Variants in ARID2 observed in about 807,000 individuals in gnomAD.
The protein encoded by ARID2 is AT-rich interactive domain-containing protein 2.
In ARID2, 32 loss-of-function variants were observed where a neutral mutation model predicts 184.6. The ratio of observed to expected loss-of-function variants is 0.17; its 90% CI spans 0.13 to 0.23. The LOEUF (loss-of-function observed/expected upper bound fraction) is 0.23, where lower values mean the gene tolerates loss of function less well. Ranked by LOEUF, ARID2 falls within the 10% of genes least tolerant of loss-of-function variation. ARID2 has a pLI of 1.00. For missense variants in ARID2, 1,696 were observed against 2,197.6 expected, an observed-to-expected ratio of 0.77 and a Z score of 4.56; for synonymous variants, 836 against 772.6, an observed-to-expected ratio of 1.08 and a Z score of -1.36.
intron 20 of ARID2, among the ~76,000 whole-genome samples, chr12:45,898,315 A>T (rs1275848391): frequency 2.0e-5 from 3 of 152,136 alleles, no homozygotes; most frequent in Non-Finnish European, 4.4e-5. Flanking sequence ...GTGGGTAGAG[A>T]GTTCCATTAT....
intron 16 of ARID2, among the ~76,000 whole-genome samples, chr12:45,870,615 C>G (rs1314827280): frequency 6.6e-6 from 1 of 152,164 alleles, no homozygotes; most frequent in Non-Finnish European, 1.5e-5. Flanking sequence ...CTCCTCACCC[C>G]CTCCCTCGCC....
chr12:45,787,102 A>G (rs1942208938), intron 3 of ARID2, among the ~76,000 whole-genome samples: 1 of 152,236 alleles, frequency 6.6e-6, no homozygotes, highest in Non-Finnish European at 1.5e-5. Flanking sequence ...ATACTTGAAA[A>G]TAACTAAAAG....
At chr12:45,742,360 G>T (rs538382449) in intron 3 of ARID2, among the ~76,000 whole-genome samples, 1 of 152,140 alleles carries the variant, frequency 6.6e-6, no homozygotes, top group East Asian at 1.9e-4. Context: ...TGCTGTATAG[G>T]TATGTAGCTT....
At chr12:45,832,070 A>C (rs1472666078) in intron 6 of ARID2, among the ~76,000 whole-genome samples, 1 of 152,130 alleles carries the variant, frequency 6.6e-6, no homozygotes, top group Non-Finnish European at 1.5e-5. Context: ...TCAGTGCATT[A>C]AGCCCATTTA....
At chr12:45,887,116 A>G (rs1944204573) in intron 16 of ARID2, among the ~76,000 whole-genome samples, 1 of 152,260 alleles carries the variant, frequency 6.6e-6, no homozygotes, top group Non-Finnish European at 1.5e-5. Flanking sequence ...CTTCACTGGA[A>G]TAAAAGAAAA....
At chr12:45,845,756 G>A (rs1943428782) in intron 11 of ARID2, among the ~76,000 whole-genome samples, 1 of 152,032 alleles carries the variant, frequency 6.6e-6, no homozygotes, top group African/African-American at 2.4e-5. Flanking sequence ...ATTTTAAAAT[G>A]CATTTGTTCT....
chr12:45,852,838 G>A lies in ARID2; in HGVS notation c.4715G>A (p.Ser1572Asn), dbSNP rs2138181817. The change falls in exon 15 of 21, where the codon AGT (serine) becomes AAT (asparagine). Residue 1572 changes from serine (S) to asparagine (N), a missense_variant. This residue lies in a region of ARID2 where 111 missense variants were observed against 154.0 expected (regional missense o/e 0.72). Transcript: ENST00000334344. ...PSTVAKVAIE[S>N]AVQQKQQHPP... ...ACTGTAGCTAAAGTAGCAATAGAAA[G>A]TGCTGTTCAGCAAAAGCAACAGCAT... 2 of 1,612,778 alleles carry A rather than the reference G, an allele frequency of 1.2e-6. No homozygotes were observed. Among genetic ancestry groups the A allele is most frequent in the South Asian group, 2.2e-5 (2 of 90,962 alleles).
At chr12:45,842,321 GTATA>G (rs1049296258) in intron 11 of ARID2, 3 of 148,752 alleles carry the variant, frequency 2.0e-5, no homozygotes, top group Non-Finnish European at 3.0e-5. Context: ...ACATGTATAT[GTATA>G]TATATACACA....
chr12:45,751,852 G>A (rs1022730358), intron 3 of ARID2, among the ~76,000 whole-genome samples: 2 of 152,104 alleles, frequency 1.3e-5, no homozygotes, highest in African/African-American at 4.8e-5. Flanking sequence ...TAATCTTATG[G>A]GAGCACCATT....
chr12:45,851,788 C>T lies in ARID2; in HGVS notation c.3665C>T (p.Ala1222Val). Residue 1222 changes from alanine to valine, a missense_variant, in exon 15 of 21, where the codon GCA (alanine) becomes GTA (valine). Ala to Val is a moderately conservative substitution (Grantham distance 64, BLOSUM62 0). This residue lies in a region of ARID2 where 428 missense variants were observed against 409.1 expected (regional missense o/e 1.05). Transcript: ENST00000334344. ...GTACAAACGCTTCCAGCCACTCAAG[C>T]ATCTCCTGCTGGACAATCATCATGT... is the stretch of plus-strand genomic sequence containing the variant. ...LPVQTLPATQ[A>V]SPAGQSSCTT... 1 of 1,614,168 alleles carries T rather than the reference C, an allele frequency of 6.2e-7. No individual in the cohort carries two copies. Among genetic ancestry groups the T allele is most frequent in the Non-Finnish European group, 8.5e-7 (1 of 1,180,016 alleles).
intron 3 of ARID2, among the ~76,000 whole-genome samples, chr12:45,797,079 T>C (rs962743926): frequency 6.6e-6 from 1 of 152,186 alleles, no homozygotes. Context: ...ATGTCATTGC[T>C]CATTTTAAAA....
intron 1 of ARID2, 41 bp from the exon 2 acceptor site, chr12:45,730,003 G>A (rs2137959289): frequency 6.2e-7 from 1 of 1,608,852 alleles, no homozygotes; most frequent in South Asian, 1.1e-5. Context: ...GCCGGGCACG[G>A]GGTCCCGGCT....
chr12:45,732,138 GT>G (rs1427318236), intron 3 of ARID2, among the ~76,000 whole-genome samples: 7 of 151,466 alleles, frequency 4.6e-5, no homozygotes, highest in African/African-American at 1.5e-4. Flanking sequence ...ATGATGCTGT[GT>G]TTTATTTTTA....
At chr12:45,889,798 C>T (rs926524943) in intron 16 of ARID2, among the ~76,000 whole-genome samples, 4 of 152,122 alleles carry the variant, frequency 2.6e-5, no homozygotes, top group Admixed American at 2.0e-4. Context: ...ATTAGCTGGG[C>T]GTGGTGGCAG....
chr12:45,792,404 A>G (rs1942309397), intron 3 of ARID2, among the ~76,000 whole-genome samples: 2 of 152,212 alleles, frequency 1.3e-5, no homozygotes, highest in Non-Finnish European at 2.9e-5. Context: ...AGAGCATAGT[A>G]TATATGATCC....
At chr12:45,876,866 G>A (rs1202822528) in intron 16 of ARID2, among the ~76,000 whole-genome samples, 1 of 151,454 alleles carries the variant, frequency 6.6e-6, no homozygotes, top group African/African-American at 2.4e-5. Flanking sequence ...GAGGTGGGCG[G>A]ATCACAAGTT....
rs1035632643 is a variant in ARID2 at position 45,907,207 on chromosome 12, C to G, written c.*2129C>G. 16 of 232,820 alleles carry G rather than the reference C, an allele frequency of 6.9e-5. No homozygotes were observed. The highest frequency in any genetic ancestry group is 3.4e-5 in the Non-Finnish European group (4 of 117,876). 14.4% of individuals were successfully genotyped at this position (232,820 alleles called of 1,614,324 possible). A position where few individuals can be genotyped will look rare whatever the true frequency, so the allele number is the denominator to read the frequency against. On this transcript the variant is annotated 3_prime_UTR_variant, in exon 21 of 21. Transcript: ENST00000334344. ...ATGGCCTTCAGAGCCCTCAAACTTA[C>G]AAGCACCTGGTAGTTGACATCATAT...
intron 16 of ARID2, chr12:45,874,363 C>G (rs755461388): frequency 5.8e-6 from 1 of 173,844 alleles, no homozygotes; most frequent in Admixed American, 5.7e-5. Flanking sequence ...TCAGTCTTCT[C>G]AAACCCTGCT....
At chr12:45,828,863 T>C (rs1025846291) in intron 6 of ARID2, among the ~76,000 whole-genome samples, 6 of 151,990 alleles carry the variant, frequency 3.9e-5, no homozygotes, top group Non-Finnish European at 7.4e-5. Flanking sequence ...TGGAAATATT[T>C]TCTCTCTAGC....
Sources: gnomAD v4.1 joint callset for allele counts (sites outside exome capture counted in the v4.1 genomes callset) on GRCh38, gnomAD v4.1.1 for gene constraint, gnomAD v4.1.1 regional missense constraint, MANE v1.5 for transcripts, NCBI Gene and HGNC (gene_info 2026-07-23, HGNC 2026-07-21) for gene names.